The following SNU13 variants were observed in gnomAD, a reference collection of about 807,000 sequenced individuals.
SNU13 encodes NHP2-like protein 1.
Under a neutral mutation model 12.4 loss-of-function variants are expected in SNU13, and 2 were observed. That is an observed-to-expected ratio of 0.16 (90% CI 0.07 to 0.51). SNU13 has a LOEUF of 0.51. Ranked by LOEUF, SNU13 falls within the 20% of genes least tolerant of loss-of-function variation. SNU13 has a pLI of 0.96. For synonymous variants in SNU13, 68 were observed against 66.5 expected, an observed-to-expected ratio of 1.02 and a Z score of -0.11; for missense variants, 66 against 157.8, an observed-to-expected ratio of 0.42 and a Z score of 3.12.
chr22:41,682,362 GTC>G, intron 1 of SNU13: 1 of 1,613,962 alleles, frequency 6.2e-7, no homozygotes, highest in East Asian at 2.2e-5. Flanking sequence ...TCACCATAGC[GTC>G]TGTCTTGGTA....
At chr22:41,686,304 C>CTT (rs747241334) in intron 1 of SNU13, among the ~76,000 whole-genome samples, 1 of 138,554 alleles carries the variant, frequency 7.2e-6, no homozygotes, top group Non-Finnish European at 1.6e-5. Flanking sequence ...ATTCTTTTAT[C>CTT]TTTTTTTTTT....
chr22:41,675,760 T>TC (rs1381030365), intron 2 of SNU13, among the ~76,000 whole-genome samples: 142 of 146,886 alleles, frequency 9.7e-4, no homozygotes, highest in African/African-American at 3.7e-3. Flanking sequence ...TTTTTTTTTT[T>TC]CTTTTTTTGA....
At chr22:41,682,683 T>G in intron 1 of SNU13, 1 of 684,798 alleles carries the variant, frequency 1.5e-6, no homozygotes, top group Non-Finnish European at 2.1e-6. Context: ...CTCTTCCTCA[T>G]ACATTTATTT....
upstream of SNU13, chr22:41,690,346 C>G (rs1021538140): frequency 2.5e-5 from 18 of 712,390 alleles, no homozygotes; most frequent in Middle Eastern, 2.3e-4. Context: ...ATTCAGGGAA[C>G]TTAATCTTTT....
rs776551759 is a variant in SNU13, at chr22:41,680,251, G to C, written c.117C>G (p.Ala39=). Residue 39 remains alanine (A), a synonymous_variant, in exon 2 of 3, where the codon GCC becomes GCG. Coordinates refer to ENST00000401959, the MANE Select transcript of SNU13 (RefSeq NM_001003796.2). ...SCNYKQLRKG[A]NEATKTLNRG... ...ATCCTGTGGCTGCCTTACCCTCATT[G>C]GCTCCTTTCCGAAGCTGCTTATAGT... The C allele has an allele frequency of 5.0e-6, 8 of 1,613,298 alleles. No homozygotes were observed. The South Asian group carries it at 7.7e-5, about 16-fold the overall frequency.
chr22:41,686,434 A>T (rs1341733368), intron 1 of SNU13, among the ~76,000 whole-genome samples: 1 of 150,850 alleles, frequency 6.6e-6, no homozygotes, highest in Non-Finnish European at 1.5e-5. Context: ...CCTCCCGAGT[A>T]ACTGGGACTA....
At chr22:41,689,061 A>T (rs2068338671), upstream of SNU13, 1 of 1,221,634 alleles carries the variant, frequency 8.2e-7, no homozygotes, top group South Asian at 3.4e-5. Flanking sequence ...TGAATTAAAC[A>T]TTCAAAAAGT....
intron 2 of SNU13, among the ~76,000 whole-genome samples, chr22:41,677,149 C>A (rs1040080163): frequency 1.3e-5 from 2 of 152,174 alleles, no homozygotes; most frequent in Non-Finnish European, 2.9e-5. Context: ...AACGAACACC[C>A]ACACCTCAGC....
upstream of SNU13, among the ~76,000 whole-genome samples, chr22:41,690,163 A>G (rs2147145740): frequency 6.6e-6 from 1 of 152,334 alleles, no homozygotes; most frequent in Middle Eastern, 3.4e-3. Flanking sequence ...ATTCCCCCAC[A>G]GGAAATCAGG....
At chr22:41,675,481 G>GT (rs1021754567) in intron 2 of SNU13, among the ~76,000 whole-genome samples, 8 of 151,898 alleles carry the variant, frequency 5.3e-5, no homozygotes, top group African/African-American at 1.9e-4. Context: ...GAGTGCAGTG[G>GT]TGCGATCTTG....
chr22:41,681,143 G>C (rs951579980), intron 1 of SNU13: 1 of 152,152 alleles, frequency 6.6e-6, no homozygotes, highest in African/African-American at 2.4e-5. Context: ...ACACATTAAA[G>C]TATTTCCTCA....
intron 1 of SNU13, chr22:41,682,453 G>T (rs78092457): frequency 0.013 from 21,434 of 1,606,024 alleles, 354 homozygotes; most frequent in Admixed American, 0.066. Context: ...GGACACGGAT[G>T]CCCCGCCCCC....
chr22:41,682,927 G>A (rs1252646755), intron 1 of SNU13, among the ~76,000 whole-genome samples: 3 of 152,132 alleles, frequency 2.0e-5, no homozygotes, highest in Non-Finnish European at 2.9e-5. Context: ...GGGATTACAG[G>A]CATGAGCCAC....
intron 1 of SNU13, chr22:41,682,661 C>A: frequency 1.0e-6 from 1 of 978,280 alleles, no homozygotes; most frequent in Non-Finnish European, 1.4e-6. Flanking sequence ...GGAAGACCTC[C>A]ATATTATTTT....
At chr22:41,685,244 T>C (rs1313969610) in intron 1 of SNU13, among the ~76,000 whole-genome samples, 2 of 150,932 alleles carry the variant, frequency 1.3e-5, no homozygotes, top group African/African-American at 4.9e-5. Flanking sequence ...GGCATGACAA[T>C]AGCTCACTGC....
Position 41,688,775 on chromosome 22 carries a change from G to A in SNU13, c.3+19C>T, listed in dbSNP as rs762184641. The A allele has an allele frequency of 2.5e-6, 4 of 1,598,168 alleles. No homozygotes were observed. Among genetic ancestry groups the A allele is most frequent in the Admixed American group, 3.3e-5 (2 of 59,788 alleles). ...TGAGTCTCCCGCTTCCCGGTCCCTCGGCCGGCGCACGCACTCACCATGGCT... is the reference window on the plus strand; with the variant it reads ...TGAGTCTCCCGCTTCCCGGTCCCTCAGCCGGCGCACGCACTCACCATGGCT... On this transcript the variant is annotated intron_variant, in intron 1 of 2. Coordinates refer to ENST00000401959, the MANE Select transcript of SNU13 (RefSeq NM_001003796.2).
intron 2 of SNU13, among the ~76,000 whole-genome samples, chr22:41,677,767 C>A (rs2068226788): frequency 6.6e-6 from 1 of 152,076 alleles, no homozygotes; most frequent in South Asian, 2.1e-4. Flanking sequence ...TACCTCTCAT[C>A]CCCACACTTA....
Position 41,680,614 on chromosome 22 carries a change from C to T in SNU13, c.4-250G>A, listed in dbSNP as rs532548754. On this transcript the variant is annotated intron_variant, in intron 1 of 2. Transcript: ENST00000401959. Reference sequence around the variant, plus strand: ...TCATGTACTTTTGTCTTTCTTCAGCCGAATGTTTGATAATATTACAGCAAA... The same window carrying T: ...TCATGTACTTTTGTCTTTCTTCAGCTGAATGTTTGATAATATTACAGCAAA... Among the ~76,000 whole-genome samples the T allele has an allele frequency of 3.9e-5, 6 of 152,272 alleles. No individual in the cohort carries two copies. The South Asian group carries it at 8.3e-4, about 21-fold the overall frequency.
intron 1 of SNU13, chr22:41,681,242 T>C (rs987915638): frequency 3.3e-5 from 5 of 152,242 alleles, no homozygotes; most frequent in Non-Finnish European, 7.4e-5. Context: ...CAAAATTTAT[T>C]TTTGTTCTTA....
Sources: allele counts gnomAD v4.1 joint callset (sites outside exome capture counted in the v4.1 genomes callset), GRCh38; gene constraint gnomAD v4.1.1; transcripts MANE v1.5; gene names NCBI Gene and HGNC (gene_info 2026-07-23, HGNC 2026-07-21).